The following DPP6 variants were observed in gnomAD, a reference collection of about 807,000 sequenced individuals.
DPP6 encodes dipeptidyl peptidase like 6.
In DPP6, 69 loss-of-function variants were observed where a neutral mutation model predicts 122.6. That is an observed-to-expected ratio of 0.56 (90% CI 0.46 to 0.69). The LOEUF (loss-of-function observed/expected upper bound fraction) is 0.69, where lower values mean the gene tolerates loss of function less well. Among genes scored for constraint, DPP6 ranks in the 30% least tolerant of loss-of-function variants. The pLI is 0.00. For synonymous variants in DPP6, 418 were observed against 433.1 expected, an observed-to-expected ratio of 0.97 and a Z score of 0.43; for missense variants, 928 against 1,116.9, an observed-to-expected ratio of 0.83 and a Z score of 2.41.
chr7:154,765,639 G>A (rs1171455492), intron 8 of DPP6, among the ~76,000 whole-genome samples: 1 of 152,118 alleles, frequency 6.6e-6, no homozygotes, highest in Non-Finnish European at 1.5e-5. Context: ...TCCTACCTGG[G>A]GCTGAAGCTC....
chr7:154,002,500 G>A (rs1563091230), intron 1 of DPP6, among the ~76,000 whole-genome samples: 3 of 152,270 alleles, frequency 2.0e-5, no homozygotes, highest in East Asian at 1.9e-4. Context: ...GGGGTCAGTC[G>A]CTGGCCCAAT....
chr7:153,794,940 G>GC, the DPP6 span, among the ~76,000 whole-genome samples: 1 of 152,064 alleles, frequency 6.6e-6, no homozygotes, highest in Non-Finnish European at 1.5e-5. Context: ...TGATTCTGAG[G>GC]CCTCCCCAGC....
intron 21 of DPP6, 128 bp downstream of exon 21, chr7:154,881,070 A>G (rs1805352100): frequency 2.9e-6 from 4 of 1,383,612 alleles, no homozygotes; most frequent in Admixed American, 6.0e-5. Context: ...TTTTAAAATC[A>G]AGAGCCTGGG....
At chr7:153,810,476 C>T in the DPP6 span, among the ~76,000 whole-genome samples, 1 of 151,924 alleles carries the variant, frequency 6.6e-6, no homozygotes, top group Non-Finnish European at 1.5e-5. Context: ...GTGTAAGAGG[C>T]ACTGGGAGGA....
chr7:154,844,025 T>C (rs7779791), intron 16 of DPP6, among the ~76,000 whole-genome samples: 4,327 of 152,290 alleles, frequency 0.028, 209 homozygotes, highest in African/African-American at 0.099. Flanking sequence ...TTGAATTACA[T>C]GCAAAGTAAA....
chr7:154,149,811 C>T (rs1236832288), intron 1 of DPP6, among the ~76,000 whole-genome samples: 3 of 152,122 alleles, frequency 2.0e-5, no homozygotes, highest in East Asian at 1.9e-4. Context: ...ATGGGGAAGC[C>T]GGGATTGTGG....
At chr7:154,860,457 A>T (rs1478024171) in intron 17 of DPP6, among the ~76,000 whole-genome samples, 1 of 152,142 alleles carries the variant, frequency 6.6e-6, no homozygotes, top group Non-Finnish European at 1.5e-5. Context: ...TGCAGACAGG[A>T]GGGCTGCTGG....
chr7:153,983,696 C>T (rs994435453), intron 1 of DPP6, among the ~76,000 whole-genome samples: 1 of 151,906 alleles, frequency 6.6e-6, no homozygotes, highest in Non-Finnish European at 1.5e-5. Context: ...AAGGGAATCT[C>T]CTGGTCTGTG....
At chr7:154,320,755 G>C (rs560529568) in intron 1 of DPP6, among the ~76,000 whole-genome samples, 260 of 152,218 alleles carry the variant, frequency 1.7e-3, no homozygotes, top group Non-Finnish European at 2.9e-3. Flanking sequence ...CAACGTGCTG[G>C]GATTACAGGC....
the DPP6 span, among the ~76,000 whole-genome samples, chr7:153,797,650 A>G: frequency 1.3e-5 from 2 of 152,166 alleles, no homozygotes; most frequent in South Asian, 2.1e-4. Flanking sequence ...GCTGTAACCA[A>G]CTACCACAGA....
At chr7:154,057,269 C>T (rs1427521104) in intron 1 of DPP6, among the ~76,000 whole-genome samples, 2 of 150,972 alleles carry the variant, frequency 1.3e-5, no homozygotes, top group South Asian at 2.1e-4. Flanking sequence ...AAAGGCCTCC[C>T]ATTTCGTGGT....
chr7:154,862,522 G>A (rs543517380), intron 17 of DPP6, among the ~76,000 whole-genome samples: 10 of 152,370 alleles, frequency 6.6e-5, no homozygotes, highest in African/African-American at 1.9e-4. Flanking sequence ...AGCAAGCCAC[G>A]CATGGAGCTG....
intron 16 of DPP6, among the ~76,000 whole-genome samples, chr7:154,818,900 G>C (rs569614431): frequency 2.7e-4 from 41 of 152,186 alleles, no homozygotes; most frequent in Non-Finnish European, 2.9e-4. Context: ...TCTGGAACAT[G>C]TCACACTCTT....
chr7:154,174,349 G>A (rs1262564794), intron 1 of DPP6, among the ~76,000 whole-genome samples: 1 of 152,368 alleles, frequency 6.6e-6, no homozygotes, highest in East Asian at 1.9e-4. Context: ...GTTAAAAAAT[G>A]CATAGCATAG....
chr7:154,573,095 G>T (rs117028773), intron 5 of DPP6, among the ~76,000 whole-genome samples: 32 of 152,226 alleles, frequency 2.1e-4, no homozygotes, highest in Non-Finnish European at 4.3e-4. Flanking sequence ...CTTCGTCCAG[G>T]AGTGGCTAAG....
the DPP6 span, among the ~76,000 whole-genome samples, chr7:153,828,580 G>A: frequency 6.6e-6 from 1 of 152,186 alleles, no homozygotes; most frequent in East Asian, 1.9e-4. Flanking sequence ...CTTTTAATTA[G>A]GAAAGAAAGT....
chr7:154,837,259 GCA>G lies in DPP6; in HGVS notation c.1667-16514_1667-16513del, dbSNP rs202060024. 7.4e-3 allele frequency among the ~76,000 whole-genome samples: 1,113 copies of G among 149,718 alleles called. 9 individuals carry two copies. The highest frequency in any genetic ancestry group is 0.032 in the Middle Eastern group (9 of 284). ...GCATGCATAAGGCACATTCACACAT[GCA>G]CACACATGCACACGCATGCAGGCAC... On this transcript the variant is annotated intron_variant, in intron 16 of 25. Coordinates refer to ENST00000377770, the MANE Select transcript of DPP6 (RefSeq NM_130797.4).
At chr7:154,482,958 A>G (rs1455273923) in intron 3 of DPP6, among the ~76,000 whole-genome samples, 1 of 152,160 alleles carries the variant, frequency 6.6e-6, no homozygotes, top group African/African-American at 2.4e-5. Context: ...TTGGAGTGGA[A>G]GTCTATGAGC....
the DPP6 span, among the ~76,000 whole-genome samples, chr7:153,773,328 A>T: frequency 0.22 from 15,257 of 68,234 alleles, 1,347 homozygotes; most frequent in African/African-American, 0.31. Flanking sequence ...ATATATATAT[A>T]TATTTTTTTT....
Sources: gnomAD v4.1 joint callset for allele counts (sites outside exome capture counted in the v4.1 genomes callset) on GRCh38, gnomAD v4.1.1 for gene constraint, MANE v1.5 for transcripts, NCBI Gene and HGNC (gene_info 2026-07-23, HGNC 2026-07-21) for gene names.